Variants in NAV1 observed in about 807,000 individuals in gnomAD.
NAV1 encodes pore membrane and/or filament interacting like protein 3.
A neutral mutation model predicts 175.2 loss-of-function variants in NAV1; 18 were observed. That is an observed-to-expected ratio of 0.10 (90% confidence interval 0.07 to 0.15). The LOEUF (loss-of-function observed/expected upper bound fraction) is 0.15, where lower values mean the gene tolerates loss of function less well. NAV1 is among the 10% of genes least tolerant of loss of function. NAV1 has a pLI of 1.00. For synonymous variants in NAV1, 897 were observed against 978.7 expected (o/e 0.92, Z 1.56); for missense variants, 1,731 against 2,436.6 (o/e 0.71, Z 6.10).
intron 15 of NAV1, among the ~76,000 whole-genome samples, chr1:201,801,861 C>G (rs1366247195): frequency 6.6e-6 from 1 of 151,924 alleles, no homozygotes; most frequent in Non-Finnish European, 1.5e-5. Context: ...GGGGGCCAAG[C>G]ACGGTAGCTC....
At chr1:201,723,538 C>T (rs185142346) in intron 3 of NAV1, 39 of 152,276 alleles carry the variant, frequency 2.6e-4, no homozygotes, top group South Asian at 1.7e-3. Context: ...TTTTCCCCTA[C>T]GTTTTCTTCT....
intron 2 of NAV1, among the ~76,000 whole-genome samples, chr1:201,613,159 T>C (rs1667905081): frequency 6.6e-6 from 1 of 152,182 alleles, no homozygotes; most frequent in South Asian, 2.1e-4. Flanking sequence ...GTCATCTTCA[T>C]GTACTCAGGA....
chr1:201,626,118 C>T (rs554284113), intron 1 of NAV1, among the ~76,000 whole-genome samples: 9 of 152,340 alleles, frequency 5.9e-5, no homozygotes, highest in African/African-American at 1.2e-4. Context: ...AGATGCTGCA[C>T]GCCAATGGGC....
chr1:201,825,346 C>A (rs1363607655), exon 30 of NAV1: 3 of 147,460 alleles, frequency 2.0e-5, no homozygotes, highest in Non-Finnish European at 3.0e-5. Flanking sequence ...AAAAAAAAAT[C>A]TAATTTGTAT....
intron 3 of NAV1, among the ~76,000 whole-genome samples, chr1:201,778,003 G>GC (rs1676072673): frequency 6.6e-6 from 1 of 152,108 alleles, no homozygotes; most frequent in Non-Finnish European, 1.5e-5. Context: ...CATCTCCAGT[G>GC]GAGATGCTTA....
At chr1:201,566,709 A>G (rs1226605345) in intron 1 of NAV1, among the ~76,000 whole-genome samples, 3 of 152,120 alleles carry the variant, frequency 2.0e-5, no homozygotes, top group Non-Finnish European at 4.4e-5. Context: ...TTCCTGATTA[A>G]CAAAGCTTAT....
chr1:201,774,388 T>C (rs1232958952), intron 3 of NAV1, among the ~76,000 whole-genome samples: 1 of 152,198 alleles, frequency 6.6e-6, no homozygotes, highest in Non-Finnish European at 1.5e-5. Flanking sequence ...CTGTAAAATT[T>C]GCAAACTCTT....
exon 30 of NAV1, chr1:201,824,024 G>A (rs1679533276): frequency 6.6e-6 from 1 of 151,898 alleles, no homozygotes; most frequent in African/African-American, 2.4e-5. Flanking sequence ...TCCAAATCAA[G>A]GTCAAGAAGA....
chr1:201,717,353 A>T (rs1041904415), intron 2 of NAV1, among the ~76,000 whole-genome samples: 1 of 152,170 alleles, frequency 6.6e-6, no homozygotes, highest in African/African-American at 2.4e-5. Context: ...TGTCTGGCTT[A>T]ATTAGGATAA....
At chr1:201,643,329 T>A (rs1668869010), upstream of NAV1, among the ~76,000 whole-genome samples, 1 of 136,872 alleles carries the variant, frequency 7.3e-6, no homozygotes, top group African/African-American at 2.7e-5. Context: ...CTTTCTTCCC[T>A]TCCCTCTCTT....
intron 1 of NAV1, among the ~76,000 whole-genome samples, chr1:201,553,944 G>C (rs1222373567): frequency 1.3e-5 from 2 of 152,198 alleles, no homozygotes; most frequent in Non-Finnish European, 2.9e-5. Flanking sequence ...AGCATCAATA[G>C]AGTATCTGCC....
Position 201,648,912 on chromosome 1 carries a change from G to A in NAV1, c.244G>A (p.Ala82Thr), listed in dbSNP as rs144867483. 920 of 1,612,720 alleles carry A rather than the reference G, an allele frequency of 5.7e-4. 5 individuals carry two copies. In the African/African-American group the frequency reaches 0.011, roughly 20 times the overall value. The stretch of plus-strand genomic sequence containing the variant: ...CAGCCGTGTCCCCGGCGGGCCGCCC[G>A]CCTCCAACCTGCGCAAGCAGAAGTC... Residue 82 changes from alanine to threonine, a missense_variant, in exon 1 of 30, where the codon GCC (alanine) becomes ACC (threonine). Ala to Thr is a moderately conservative substitution (Grantham distance 58, BLOSUM62 0). Coordinates refer to ENST00000367296, the Ensembl canonical transcript of NAV1.
intron 22 of NAV1, 48 bp from the exon 27 acceptor site, chr1:201,809,898 A>T (rs759578968): frequency 9.7e-6 from 15 of 1,549,298 alleles, no homozygotes; most frequent in African/African-American, 1.4e-5. Flanking sequence ...TGGCTTTTAC[A>T]CCTGTGTTTG....
At chr1:201,592,071 C>T (rs186206745) in intron 2 of NAV1, among the ~76,000 whole-genome samples, 3 of 152,302 alleles carry the variant, frequency 2.0e-5, no homozygotes, top group Admixed American at 2.0e-4. Flanking sequence ...CTCTCCCTCC[C>T]CTCTCAAGCC....
intron 1 of NAV1, among the ~76,000 whole-genome samples, chr1:201,659,568 T>C (rs561952919): frequency 6.6e-6 from 1 of 152,274 alleles, no homozygotes; most frequent in African/African-American, 2.4e-5. Context: ...TGCAGTGAGC[T>C]ATGATTGGGC....
At chr1:201,734,179 G>A (rs538461421) in intron 3 of NAV1, among the ~76,000 whole-genome samples, 63 of 152,156 alleles carry the variant, frequency 4.1e-4, no homozygotes, top group Admixed American at 1.6e-3. Context: ...AGGCTTAGGC[G>A]GGCGGATTGC....
At chr1:201,822,981 T>G (rs1679476389) in exon 30 of NAV1, 1 of 152,564 alleles carries the variant, frequency 6.6e-6, no homozygotes, top group African/African-American at 2.4e-5. Context: ...TACAGCATTC[T>G]CTCCCACCTA....
At chr1:201,580,447 C>A (rs57222092) in intron 1 of NAV1, among the ~76,000 whole-genome samples, 4,332 of 152,146 alleles carry the variant, frequency 0.028, 197 homozygotes, top group African/African-American at 0.099. Flanking sequence ...GCCTAGCAAA[C>A]AAATAGATCA....
At chr1:201,719,284 AG>A (rs1054518467) in intron 3 of NAV1, among the ~76,000 whole-genome samples, 11 of 152,030 alleles carry the variant, frequency 7.2e-5, no homozygotes, top group African/African-American at 2.7e-4. Context: ...TTCCTTTGCC[AG>A]GGGTTCGTAA....
Sources: allele counts gnomAD v4.1 joint callset (sites outside exome capture counted in the v4.1 genomes callset), GRCh38; gene constraint gnomAD v4.1.1; transcripts MANE v1.5; gene names NCBI Gene and HGNC (gene_info 2026-07-23, HGNC 2026-07-21).